DTWD2: variants seen among roughly 807,000 people sequenced by gnomAD.
DTWD2 encodes DTW motif tRNA-uridine aminocarboxypropyltransferase 2.
Under a neutral mutation model 31.8 loss-of-function variants are expected in DTWD2, and 39 were observed. That is an observed-to-expected ratio of 1.22 (90% CI 0.95 to 1.60). DTWD2 has a LOEUF of 1.60. DTWD2 is among the 40% of genes most tolerant of loss of function. The pLI, the probability that DTWD2 is intolerant of heterozygous loss-of-function variation, is 0.00. For missense variants in DTWD2, 515 were observed against 381.5 expected (o/e 1.35, Z -2.92); for synonymous variants, 180 against 142.8 (o/e 1.26, Z -1.86).
chr5:118,939,407 T>A, intron 2 of DTWD2, 117 bp from the exon 3 acceptor site: 1 of 859,830 alleles, frequency 1.2e-6, no homozygotes, highest in Non-Finnish European at 1.7e-6. Context: ...AGTCTTTTAC[T>A]AAAGACCACA....
At chr5:118,894,837 C>A (rs1056085684) in intron 4 of DTWD2, among the ~76,000 whole-genome samples, 3 of 152,056 alleles carry the variant, frequency 2.0e-5, no homozygotes, top group African/African-American at 7.2e-5. Flanking sequence ...CCTCAACAAA[C>A]CTGGTACAGA....
At chr5:118,911,663 A>G (rs1424820427) in intron 4 of DTWD2, among the ~76,000 whole-genome samples, 1 of 152,244 alleles carries the variant, frequency 6.6e-6, no homozygotes, top group African/African-American at 2.4e-5. Context: ...ATATATATAC[A>G]TGCACACACA....
intron 4 of DTWD2, among the ~76,000 whole-genome samples, chr5:118,920,485 A>G (rs1439024902): frequency 6.6e-6 from 1 of 152,178 alleles, no homozygotes; most frequent in African/African-American, 2.4e-5. Flanking sequence ...GGGGGCAGAG[A>G]TTAACTTTTG....
At chr5:118,861,509 A>G (rs1445354614) in intron 4 of DTWD2, among the ~76,000 whole-genome samples, 2 of 152,356 alleles carry the variant, frequency 1.3e-5, no homozygotes, top group East Asian at 1.9e-4. Flanking sequence ...TAGCTGCCCT[A>G]TAAGATCCTC....
At chr5:118,968,873 T>G (rs1449186231) in intron 1 of DTWD2, among the ~76,000 whole-genome samples, 2 of 152,120 alleles carry the variant, frequency 1.3e-5, no homozygotes, top group Non-Finnish European at 2.9e-5. Context: ...TAACACCCAC[T>G]GGCTTGGAAT....
At chr5:118,874,159 C>G (rs758196329) in intron 4 of DTWD2, among the ~76,000 whole-genome samples, 2 of 152,140 alleles carry the variant, frequency 1.3e-5, no homozygotes, top group African/African-American at 2.4e-5. Flanking sequence ...CAATAAAACC[C>G]TCAAGGTCAT....
intron 1 of DTWD2, among the ~76,000 whole-genome samples, chr5:118,972,797 C>T (rs1755017499): frequency 6.6e-6 from 1 of 152,214 alleles, no homozygotes; most frequent in African/African-American, 2.4e-5. Context: ...GGCTTCATCC[C>T]TGGGATCCAA....
chr5:118,867,796 C>A (rs550497582), intron 4 of DTWD2, among the ~76,000 whole-genome samples: 1 of 152,220 alleles, frequency 6.6e-6, no homozygotes, highest in East Asian at 1.9e-4. Flanking sequence ...GAAAAATACC[C>A]CATGTTCATG....
At chr5:118,979,556 C>T (rs980748680) in intron 1 of DTWD2, among the ~76,000 whole-genome samples, 4 of 152,048 alleles carry the variant, frequency 2.6e-5, no homozygotes, top group Admixed American at 6.6e-5. Context: ...TATATGCATG[C>T]GTATGTTCAC....
intron 4 of DTWD2, among the ~76,000 whole-genome samples, chr5:118,918,463 C>T (rs546398616): frequency 1.4e-5 from 2 of 145,144 alleles, no homozygotes; most frequent in Admixed American, 6.8e-5. Context: ...AGTGAGACTC[C>T]GTCTCAAGAG....
At chr5:118,895,348 A>C (rs576113361) in intron 4 of DTWD2, among the ~76,000 whole-genome samples, 1 of 152,328 alleles carries the variant, frequency 6.6e-6, no homozygotes, top group South Asian at 2.1e-4. Context: ...CACTGAGGAA[A>C]GTAATTGAAG....
chr5:118,984,634 A>G (rs1203710136), intron 1 of DTWD2, among the ~76,000 whole-genome samples: 1 of 152,232 alleles, frequency 6.6e-6, no homozygotes, highest in African/African-American at 2.4e-5. Flanking sequence ...TTACTTTTGA[A>G]AAGAAAACAC....
intron 1 of DTWD2, among the ~76,000 whole-genome samples, chr5:118,977,614 G>C (rs56949183): frequency 0.01 from 1,526 of 152,240 alleles, 33 homozygotes; most frequent in African/African-American, 0.035. Context: ...AAAATGCCTA[G>C]ATATAGAGCT....
intron 4 of DTWD2, among the ~76,000 whole-genome samples, chr5:118,874,557 C>T (rs1029445011): frequency 6.6e-6 from 1 of 152,000 alleles, no homozygotes; most frequent in Non-Finnish European, 1.5e-5. Context: ...AAGAATTTCA[C>T]AATGCAATCA....
intron 4 of DTWD2, among the ~76,000 whole-genome samples, chr5:118,856,874 G>C (rs1752148128): frequency 7.0e-6 from 1 of 142,570 alleles, no homozygotes; most frequent in Non-Finnish European, 1.5e-5. Context: ...CTGGGCTCAA[G>C]GGACTCTCCT....
chr5:118,957,612 T>C (rs572148284), intron 1 of DTWD2, among the ~76,000 whole-genome samples: 1 of 152,256 alleles, frequency 6.6e-6, no homozygotes, highest in South Asian at 2.1e-4. Flanking sequence ...ATATACACAT[T>C]TGTTTTTCTT....
chr5:118,942,807 G>T (rs1754235651), intron 2 of DTWD2, among the ~76,000 whole-genome samples: 1 of 151,858 alleles, frequency 6.6e-6, no homozygotes, highest in African/African-American at 2.4e-5. Context: ...AGTGGTGTGG[G>T]TTGTTTTTTT....
chr5:118,966,105 G>A (rs1754842008), intron 1 of DTWD2, among the ~76,000 whole-genome samples: 1 of 152,118 alleles, frequency 6.6e-6, no homozygotes, highest in Admixed American at 6.5e-5. Context: ...TTTGGGTGCA[G>A]TCATGCATTG....
chr5:118,952,332 A>G (rs1754485427), intron 1 of DTWD2, among the ~76,000 whole-genome samples: 1 of 152,218 alleles, frequency 6.6e-6, no homozygotes, highest in Non-Finnish European at 1.5e-5. Context: ...TTGTGTGAGC[A>G]ATAAAGCTTT....
Sources: allele counts gnomAD v4.1 joint callset (sites outside exome capture counted in the v4.1 genomes callset), GRCh38; gene constraint gnomAD v4.1.1; transcripts MANE v1.5; gene names NCBI Gene and HGNC (gene_info 2026-07-23, HGNC 2026-07-21).